The following PRKCA variants were observed in gnomAD, a reference collection of about 807,000 sequenced individuals.
PRKCA encodes the protein protein kinase C alpha type.
PRKCA carries 27 observed loss-of-function variants against 87.0 expected under a neutral mutation model. The ratio of observed to expected loss-of-function variants is 0.31; its 90% CI spans 0.23 to 0.43. The LOEUF (loss-of-function observed/expected upper bound fraction) is 0.43. Ranked by LOEUF, PRKCA falls within the 20% of genes least tolerant of loss-of-function variation. The pLI, the probability that PRKCA is intolerant of heterozygous loss-of-function variation, is 1.00. For synonymous variants in PRKCA, 329 were observed against 311.1 expected (o/e 1.06, Z -0.61); for missense variants, 518 against 852.3 (o/e 0.61, Z 4.88).
intron 11 of PRKCA, among the ~76,000 whole-genome samples, chr17:66,740,821 G>C (rs1303953222): frequency 6.6e-6 from 1 of 152,124 alleles, no homozygotes; most frequent in Non-Finnish European, 1.5e-5. Flanking sequence ...GTTTAGAAAA[G>C]CATGAAAAAT....
At chr17:66,366,084 C>G (rs1352565635) in intron 2 of PRKCA, among the ~76,000 whole-genome samples, 2 of 152,094 alleles carry the variant, frequency 1.3e-5, no homozygotes, top group East Asian at 3.9e-4. Flanking sequence ...GCCACTGGAA[C>G]CATCCCTGCA....
chr17:66,464,616 A>T (rs1915003846), intron 2 of PRKCA, among the ~76,000 whole-genome samples: 1 of 152,120 alleles, frequency 6.6e-6, no homozygotes, highest in African/African-American at 2.4e-5. Context: ...ATCCCTAATG[A>T]CATATTATAT....
At chr17:66,322,342 A>G (rs1015521379) in intron 2 of PRKCA, among the ~76,000 whole-genome samples, 17 of 152,360 alleles carry the variant, frequency 1.1e-4, no homozygotes, top group African/African-American at 3.6e-4. Context: ...CCATCTGGCT[A>G]TTAAGCACTT....
chr17:66,712,626 C>G (rs1486182018), intron 8 of PRKCA, among the ~76,000 whole-genome samples: 1 of 152,168 alleles, frequency 6.6e-6, no homozygotes, highest in Non-Finnish European at 1.5e-5. Context: ...AAGACTGTCC[C>G]TCTTCTCCCA....
intron 2 of PRKCA, among the ~76,000 whole-genome samples, chr17:66,462,100 GT>G (rs1555607414): frequency 1.3e-5 from 2 of 152,106 alleles, no homozygotes; most frequent in Non-Finnish European, 2.9e-5. Flanking sequence ...TCTTTTAAAC[GT>G]CGGGTCTGCT....
At chr17:66,673,370 C>T (rs1463950736) in intron 5 of PRKCA, among the ~76,000 whole-genome samples, 2 of 152,180 alleles carry the variant, frequency 1.3e-5, no homozygotes, top group Admixed American at 1.3e-4. Context: ...CAGCCAGCCT[C>T]ACCAGCAAAA....
chr17:66,399,063 A>G (rs1910850416), intron 2 of PRKCA, among the ~76,000 whole-genome samples: 1 of 150,554 alleles, frequency 6.6e-6, no homozygotes, highest in Non-Finnish European at 1.5e-5. Flanking sequence ...ATATTGATGC[A>G]CCATGTGGTA....
rs1970692126 is a variant in PRKCA at position 66,621,894 on chromosome 17, G to A, written c.289-19461G>A. On this transcript the variant is annotated intron_variant, in intron 3 of 16. Transcript: ENST00000413366. The stretch of plus-strand genomic sequence containing the variant: ...GCTAAATTCAGAGAGTCAGCAAGAA[G>A]AAAAGGGTCTTTAAAAATAAGTTGA... Among the ~76,000 whole-genome samples the A allele has an allele frequency of 1.3e-5, 2 of 152,172 alleles. 1 individual carries two copies. The highest frequency in any genetic ancestry group is 4.1e-4 in the South Asian group (2 of 4,824).
chr17:66,739,887 C>G (rs1361221072), intron 11 of PRKCA, among the ~76,000 whole-genome samples: 1 of 151,896 alleles, frequency 6.6e-6, no homozygotes, highest in Admixed American at 6.6e-5. Flanking sequence ...TCAGTTTTTG[C>G]AGAGCTCTCT....
chr17:66,547,214 C>T (rs571502630), intron 3 of PRKCA, among the ~76,000 whole-genome samples: 1 of 152,308 alleles, frequency 6.6e-6, no homozygotes, highest in South Asian at 2.1e-4. Flanking sequence ...TGAACACCCT[C>T]CCCTCCACTT....
chr17:66,444,918 C>G lies in PRKCA; in HGVS notation c.206-51283C>G, dbSNP rs560279365. Among the ~76,000 whole-genome samples, 116 of 152,156 alleles carry G rather than the reference C, an allele frequency of 7.6e-4. 1 individual carries two copies. In the South Asian group the frequency reaches 0.023, roughly 30 times the overall value. ...TCAGTTTCTAGAGTTAACACCTTTCCCCACTAATCAGAACACAACACACAA... is the reference window on the plus strand; with the variant it reads ...TCAGTTTCTAGAGTTAACACCTTTCGCCACTAATCAGAACACAACACACAA... On this transcript the variant is annotated intron_variant, in intron 2 of 16. Coordinates refer to ENST00000413366, the MANE Select transcript of PRKCA (RefSeq NM_002737.3).
At chr17:66,495,525 G>A (rs1246194812) in intron 2 of PRKCA, among the ~76,000 whole-genome samples, 1 of 137,262 alleles carries the variant, frequency 7.3e-6, no homozygotes. Flanking sequence ...ATGGTGCAAA[G>A]TATTTTATTT....
intron 3 of PRKCA, among the ~76,000 whole-genome samples, chr17:66,564,860 GT>G (rs1192963734): frequency 6.6e-6 from 1 of 152,078 alleles, no homozygotes; most frequent in Non-Finnish European, 1.5e-5. Context: ...GGCACCTGTA[GT>G]CCCAGCTACT....
chr17:66,383,225 G>C (rs911287688), intron 2 of PRKCA, among the ~76,000 whole-genome samples: 1 of 152,142 alleles, frequency 6.6e-6, no homozygotes, highest in African/African-American at 2.4e-5. Flanking sequence ...GGTAGTATTT[G>C]TAAGTTGTTC....
intron 2 of PRKCA, among the ~76,000 whole-genome samples, chr17:66,354,272 T>C (rs948045544): frequency 1.3e-5 from 2 of 152,196 alleles, no homozygotes; most frequent in African/African-American, 4.8e-5. Flanking sequence ...TTATTTTTGT[T>C]ATGAGTCATG....
intron 3 of PRKCA, among the ~76,000 whole-genome samples, chr17:66,615,656 T>C (rs1028297367): frequency 2.0e-5 from 3 of 152,134 alleles, no homozygotes; most frequent in African/African-American, 7.2e-5. Flanking sequence ...AAACAAAGCT[T>C]TGCCAGAGGT....
Position 66,653,672 on chromosome 17 carries a change from C to G in PRKCA, c.529+8161C>G, listed in dbSNP as rs547717604. On this transcript the variant is annotated intron_variant, in intron 5 of 16. Coordinates refer to ENST00000413366, the MANE Select transcript of PRKCA (RefSeq NM_002737.3). ...TAAACATCAAGGAGTTGGGGAATGG[C>G]TGAGTGGGCCGTTTGCATTCTGCAT... Among the ~76,000 whole-genome samples, 30 of 152,126 alleles carry G rather than the reference C, an allele frequency of 2.0e-4. No homozygotes were observed. The South Asian group carries it at 6.0e-3, about 31-fold the overall frequency.
At chr17:66,347,941 C>CTTTTTTTTTGTTTTTTT (rs1907497245) in intron 2 of PRKCA, among the ~76,000 whole-genome samples, 1 of 56,440 alleles carries the variant, frequency 1.8e-5, no homozygotes, top group Non-Finnish European at 3.3e-5. Context: ...AATTCTGAAC[C>CTTTTTTTTTGTTTTTTT]TTTTTTTTTT....
chr17:66,707,633 G>A (rs1244069751), intron 8 of PRKCA, among the ~76,000 whole-genome samples: 1 of 152,160 alleles, frequency 6.6e-6, no homozygotes, highest in African/African-American at 2.4e-5. Flanking sequence ...TCTAACTGGT[G>A]GATGCTGCAT....
Sources: allele counts gnomAD v4.1 joint callset (sites outside exome capture counted in the v4.1 genomes callset), GRCh38; gene constraint gnomAD v4.1.1; transcripts MANE v1.5; gene names NCBI Gene and HGNC (gene_info 2026-07-23, HGNC 2026-07-21).